The following DNAJC8 variants were observed in gnomAD, a reference collection of about 807,000 sequenced individuals.
DNAJC8 encodes DnaJ heat shock protein family (Hsp40) member C8.
Under a neutral mutation model 43.2 loss-of-function variants are expected in DNAJC8, and 24 were observed. The ratio of observed to expected loss-of-function variants is 0.56; its 90% confidence interval spans 0.40 to 0.78. The LOEUF (loss-of-function observed/expected upper bound fraction) is 0.78, where lower values mean the gene tolerates loss of function less well. DNAJC8 is among the 30% of genes least tolerant of loss of function. The pLI, the probability that DNAJC8 is intolerant of heterozygous loss-of-function variation, is 0.00. For missense variants in DNAJC8, 207 were observed against 299.4 expected, an observed-to-expected ratio of 0.69 and a Z score of 2.28; for synonymous variants, 83 against 98.0, an observed-to-expected ratio of 0.85 and a Z score of 0.90.
chr1:28,208,580 A>G, intron 5 of DNAJC8, 167 bp from the exon 6 acceptor site: 1 of 393,310 alleles, frequency 2.5e-6, no homozygotes, highest in Non-Finnish European at 4.5e-6. Context: ...GAACAACAGA[A>G]TCAAGGAAAA....
At chr1:28,225,475 G>A (rs1417507187) in intron 2 of DNAJC8, among the ~76,000 whole-genome samples, 1 of 151,134 alleles carries the variant, frequency 6.6e-6, no homozygotes, top group South Asian at 2.1e-4. Flanking sequence ...TAACAAATAC[G>A]GTACCATTCC....
chr1:28,228,348 CAAAAAAAAA>C (rs78440134), intron 2 of DNAJC8, among the ~76,000 whole-genome samples: 3 of 74,818 alleles, frequency 4.0e-5, no homozygotes, highest in South Asian at 5.3e-4. Flanking sequence ...GACTCCGTCT[CAAAAAAAAA>C]AAAAAAAAAA....
rs141142424 is a variant in DNAJC8, at chr1:28,217,968, T to C, written c.181-2972A>G. 5.8e-3 allele frequency among the ~76,000 whole-genome samples: 877 copies of C among 152,068 alleles called. 20 individuals are homozygous for C. The highest frequency in any genetic ancestry group is 0.019 in the African/African-American group (806 of 41,390). ...GCTATAAAGGGGATTTTGGGGACAG[T>C]TGGGCCCATTTGCATGTGGACTGTA... is the stretch of plus-strand genomic sequence containing the variant. On this transcript the variant is annotated intron_variant, in intron 2 of 8. Coordinates refer to ENST00000263697, the MANE Select transcript of DNAJC8 (RefSeq NM_014280.3).
chr1:28,230,380 C>T (rs1470291673), intron 1 of DNAJC8: 1 of 152,134 alleles, frequency 6.6e-6, no homozygotes, highest in Admixed American at 6.6e-5. Context: ...ATCCTCAACA[C>T]CTAAATAGCA....
intron 2 of DNAJC8, among the ~76,000 whole-genome samples, chr1:28,220,202 G>C (rs1256098495): frequency 6.6e-6 from 1 of 152,208 alleles, no homozygotes; most frequent in Non-Finnish European, 1.5e-5. Context: ...AGTTATATCA[G>C]AACAAATATT....
intron 6 of DNAJC8, among the ~76,000 whole-genome samples, chr1:28,207,079 A>C (rs1057192992): frequency 6.7e-6 from 1 of 149,564 alleles, no homozygotes; most frequent in Non-Finnish European, 1.5e-5. Flanking sequence ...AAAAAAAAAA[A>C]CAACTGAAAA....
chr1:28,221,287 C>T (rs1251308401), intron 2 of DNAJC8, among the ~76,000 whole-genome samples: 1 of 151,838 alleles, frequency 6.6e-6, no homozygotes, highest in East Asian at 1.9e-4. Context: ...TGCAGTAAGC[C>T]GAGATCGTGC....
intron 2 of DNAJC8, among the ~76,000 whole-genome samples, chr1:28,223,489 C>T (rs1646912627): frequency 6.6e-6 from 1 of 151,854 alleles, no homozygotes; most frequent in Non-Finnish European, 1.5e-5. Context: ...CAGAGTACAG[C>T]GGGGTGAGGA....
intron 8 of DNAJC8, among the ~76,000 whole-genome samples, chr1:28,201,776 C>T (rs1349566114): frequency 3.8e-5 from 5 of 132,540 alleles, no homozygotes; most frequent in Non-Finnish European, 7.8e-5. Context: ...ACAACAAGAG[C>T]GAGACTTTGT....
rs774052463 is a variant in DNAJC8, at chr1:28,209,953, C to T, written c.399+19G>A. On this transcript the variant is annotated intron_variant, in intron 5 of 8. Coordinates refer to ENST00000263697, the MANE Select transcript of DNAJC8 (RefSeq NM_014280.3). Reference sequence around the variant, plus strand: ...TTGCTGATACTTCCTGTAAACACAGCAGCACTATAAATACTTACAGTGTGT... The same window carrying T: ...TTGCTGATACTTCCTGTAAACACAGTAGCACTATAAATACTTACAGTGTGT... 1.9e-6 allele frequency: 3 copies of T among 1,601,468 alleles called. No individual in the cohort carries two copies. Among genetic ancestry groups the T allele is most frequent in the South Asian group, 1.1e-5 (1 of 90,812 alleles).
intron 1 of DNAJC8, among the ~76,000 whole-genome samples, chr1:28,231,830 C>A (rs1646977715): frequency 6.6e-6 from 1 of 151,970 alleles, no homozygotes; most frequent in South Asian, 2.1e-4. Flanking sequence ...TGCAGTGGCG[C>A]GATCTCTGCT....
chr1:28,232,790 C>T (rs777115118), intron 1 of DNAJC8, 131 bp downstream of exon 1: 498 of 941,354 alleles, frequency 5.3e-4, no homozygotes, highest in Non-Finnish European at 7.0e-4. Flanking sequence ...CCCCCAGACC[C>T]CCGCCACCCC....
chr1:28,231,095 G>A (rs563572215), intron 1 of DNAJC8, among the ~76,000 whole-genome samples: 2 of 152,288 alleles, frequency 1.3e-5, no homozygotes, highest in South Asian at 4.1e-4. Flanking sequence ...CTCTTGCCAA[G>A]CACAGTGGCT....
intron 6 of DNAJC8, among the ~76,000 whole-genome samples, chr1:28,206,896 A>G (rs1343659831): frequency 2.0e-5 from 3 of 152,220 alleles, no homozygotes; most frequent in Non-Finnish European, 4.4e-5. Flanking sequence ...GCAATGCTTC[A>G]ACCCCAGTCC....
chr1:28,205,018 T>C (rs149652515), intron 7 of DNAJC8, among the ~76,000 whole-genome samples: 2 of 152,094 alleles, frequency 1.3e-5, no homozygotes, highest in East Asian at 3.9e-4. Context: ...CAAGACTGTG[T>C]CTCAAAAAAA....
chr1:28,203,798 A>G lies in DNAJC8; in HGVS notation c.588T>C (p.Ile196=). 6.2e-7 allele frequency: 1 copy of G among 1,614,150 alleles called. No individual in the cohort carries two copies. The change falls in exon 8 of 9, where the codon ATT becomes ATC. Residue 196 remains isoleucine (I), a synonymous_variant. Transcript: ENST00000263697. ...CCCGTTTGGCTTTTTCTTGAGCTTC[A>G]ATCTCTTCTTCCCTTTGTCGTTTCC... ...HERKRQREEE[I]EAQEKAKRER...
At chr1:28,226,443 C>A (rs988996957) in intron 2 of DNAJC8, among the ~76,000 whole-genome samples, 4 of 151,072 alleles carry the variant, frequency 2.6e-5, no homozygotes, top group Non-Finnish European at 5.9e-5. Context: ...GCAGAGGTTG[C>A]GGTGAGCCGA....
intron 6 of DNAJC8, among the ~76,000 whole-genome samples, 174 bp downstream of exon 6, chr1:28,208,168 T>G (rs753481252): frequency 6.6e-6 from 1 of 152,194 alleles, no homozygotes; most frequent in Non-Finnish European, 1.5e-5. Flanking sequence ...ATCGCGCCAT[T>G]GCCCTCCAGC....
chr1:28,208,276 C>A (rs1446265300), intron 6 of DNAJC8, 66 bp downstream of exon 6: 2 of 1,277,232 alleles, frequency 1.6e-6, no homozygotes, highest in Non-Finnish European at 1.1e-6. Flanking sequence ...GCTTCTGTCT[C>A]TGTAACCCAC....
Sources: gnomAD v4.1 joint callset for allele counts (sites outside exome capture counted in the v4.1 genomes callset) on GRCh38, gnomAD v4.1.1 for gene constraint, MANE v1.5 for transcripts, NCBI Gene and HGNC (gene_info 2026-07-23, HGNC 2026-07-21) for gene names.